The following HS6ST1 variants were observed in gnomAD, a reference collection of about 807,000 sequenced individuals.
The protein encoded by HS6ST1 is heparan sulfate 6-O-sulfotransferase 1.
HS6ST1 carries 3 observed loss-of-function variants against 25.2 expected under a neutral mutation model. That is an observed-to-expected ratio of 0.12 (90% CI 0.05 to 0.31). The LOEUF (loss-of-function observed/expected upper bound fraction) is 0.31. Ranked by LOEUF, HS6ST1 falls within the 10% of genes least tolerant of loss-of-function variation. The probability of loss-of-function intolerance (pLI) is 1.00; values close to 1 mark genes in which losing one functional copy is unlikely to be tolerated. For synonymous variants in HS6ST1, 204 were observed against 275.1 expected (o/e 0.74, Z 2.56); for missense variants, 310 against 609.6 (o/e 0.51, Z 5.18).
At chr2:128,287,620 G>A (rs1693884655) in intron 1 of HS6ST1, among the ~76,000 whole-genome samples, 2 of 152,224 alleles carry the variant, frequency 1.3e-5, no homozygotes, top group African/African-American at 4.8e-5. Context: ...CCGGGTCCAG[G>A]GGTGCTCTGC....
In HS6ST1 at chr2:128,318,025, C is replaced by T; in HGVS notation, c.527+12G>A. ...CGCAGCTGCGCGAGGATCCCGCCGC[C>T]CGGGCGCTCACCTGGGCGTGCGCAG... is the stretch of plus-strand genomic sequence containing the variant. On this transcript the variant is annotated intron_variant, in intron 1 of 1. Coordinates refer to ENST00000259241, the MANE Select transcript of HS6ST1 (RefSeq NM_004807.3). The surrounding 1 kb of genome is among the most constrained non-coding windows in gnomAD (Gnocchi z 5.7). 1.4e-6 allele frequency: 2 copies of T among 1,469,712 alleles called. No individual in the cohort carries two copies. Among genetic ancestry groups the T allele is most frequent in the Non-Finnish European group, 1.8e-6 (2 of 1,121,794 alleles). 91.0% of individuals were successfully genotyped at this position (1,469,712 alleles called of 1,614,324 possible). A position where few individuals can be genotyped will look rare whatever the true frequency, so the allele number is the denominator to read the frequency against.
At chr2:128,270,547 C>A (rs1693594878) in intron 1 of HS6ST1, among the ~76,000 whole-genome samples, 1 of 152,194 alleles carries the variant, frequency 6.6e-6, no homozygotes, top group East Asian at 1.9e-4. Context: ...GTTTTAGAAA[C>A]AATAATGACC....
intron 1 of HS6ST1, among the ~76,000 whole-genome samples, chr2:128,311,004 C>CA (rs960400338): frequency 1.3e-5 from 1 of 76,772 alleles, no homozygotes; most frequent in African/African-American, 1.0e-4. Context: ...TTCCACTCCA[C>CA]ACCCCGCTCA....
intron 1 of HS6ST1, among the ~76,000 whole-genome samples, chr2:128,307,513 A>G (rs1372292798): frequency 6.6e-6 from 1 of 152,236 alleles, no homozygotes; most frequent in Non-Finnish European, 1.5e-5. Context: ...GGAGGAGAGA[A>G]GCGGGGAGCA....
At chr2:128,286,374 G>A (rs936943067) in intron 1 of HS6ST1, among the ~76,000 whole-genome samples, 2 of 152,242 alleles carry the variant, frequency 1.3e-5, no homozygotes, top group Non-Finnish European at 2.9e-5. Context: ...AAGCGCCAGG[G>A]AGGGGTGGGT....
intron 1 of HS6ST1, among the ~76,000 whole-genome samples, chr2:128,312,578 C>A (rs1378948243): frequency 6.6e-6 from 1 of 152,094 alleles, no homozygotes; most frequent in Non-Finnish European, 1.5e-5. Flanking sequence ...GGAGCTGCAC[C>A]CCTCTCTCAG....
At chr2:128,271,615 G>A (rs868661106) in intron 1 of HS6ST1, among the ~76,000 whole-genome samples, 1 of 152,158 alleles carries the variant, frequency 6.6e-6, no homozygotes, top group Non-Finnish European at 1.5e-5. Flanking sequence ...AGTTCTGTCC[G>A]CCCCTGCTGT....
At chr2:128,273,575 G>A (rs986582992) in intron 1 of HS6ST1, among the ~76,000 whole-genome samples, 4 of 152,186 alleles carry the variant, frequency 2.6e-5, no homozygotes, top group South Asian at 2.1e-4. Flanking sequence ...TGCCCAACAC[G>A]CAGAGCCCTC....
At chr2:128,285,166 T>C (rs765676071) in intron 1 of HS6ST1, among the ~76,000 whole-genome samples, 22 of 152,356 alleles carry the variant, frequency 1.4e-4, no homozygotes, top group African/African-American at 4.6e-4. Context: ...TAGCCTGTTT[T>C]CCAGTAAGGG....
rs543060692 is a variant in HS6ST1, at chr2:128,268,061, G to A, written c.*101C>T. The A allele has an allele frequency of 1.2e-6, 1 of 823,894 alleles. No individual in the cohort carries two copies. The highest frequency in any genetic ancestry group is 2.7e-5 in the East Asian group (1 of 37,370). The allele number at this position is 823,894 out of a possible 1,614,324, so 51.0% of individuals were successfully genotyped here. On this transcript the variant is annotated 3_prime_UTR_variant, in exon 2 of 2. Coordinates refer to ENST00000259241, the MANE Select transcript of HS6ST1 (RefSeq NM_004807.3). Reference sequence around the variant, plus strand: ...GGACGCAGCTACCTCTGTGGAGCAGGTTTGGGATGCTCATCCCTTGACAGT... The same window carrying A: ...GGACGCAGCTACCTCTGTGGAGCAGATTTGGGATGCTCATCCCTTGACAGT...
intron 1 of HS6ST1, among the ~76,000 whole-genome samples, chr2:128,307,255 C>T (rs1573708552): frequency 6.6e-6 from 1 of 152,228 alleles, no homozygotes; most frequent in East Asian, 1.9e-4. Context: ...CAGGGAAGGC[C>T]CTGGGGGGTG....
intron 1 of HS6ST1, among the ~76,000 whole-genome samples, chr2:128,316,690 AGTGTGTGTGTGT>A (rs754486574): frequency 6.8e-6 from 1 of 147,704 alleles, no homozygotes. Context: ...TGGGAGCTGC[AGTGTGTGTGTGT>A]GTGTGGGTGT....
chr2:128,315,670 G>A (rs1694351378), intron 1 of HS6ST1, among the ~76,000 whole-genome samples: 1 of 152,080 alleles, frequency 6.6e-6, no homozygotes, highest in Non-Finnish European at 1.5e-5. Context: ...GCAGATGGGG[G>A]AAGTGCATCC....
intron 1 of HS6ST1, among the ~76,000 whole-genome samples, chr2:128,289,084 C>T (rs375093487): frequency 1.3e-5 from 2 of 152,170 alleles, no homozygotes; most frequent in African/African-American, 4.8e-5. Context: ...GACTATTCTT[C>T]CCCAGACAGG....
At chr2:128,280,015 A>T (rs1489172921) in intron 1 of HS6ST1, among the ~76,000 whole-genome samples, 2 of 152,152 alleles carry the variant, frequency 1.3e-5, no homozygotes, top group African/African-American at 2.4e-5. Flanking sequence ...TGAGGCCTGG[A>T]TCCTCATCAC....
intron 1 of HS6ST1, among the ~76,000 whole-genome samples, chr2:128,281,684 C>T (rs1693788753): frequency 6.6e-6 from 1 of 152,188 alleles, no homozygotes. Flanking sequence ...AAAAAATAAA[C>T]TGCTGCCCTG....
At chr2:128,310,520 A>G (rs1270998211) in intron 1 of HS6ST1, among the ~76,000 whole-genome samples, 2 of 152,150 alleles carry the variant, frequency 1.3e-5, no homozygotes, top group Non-Finnish European at 2.9e-5. Context: ...CTGGCTCAGG[A>G]GCAACTGGTG....
intron 1 of HS6ST1, among the ~76,000 whole-genome samples, chr2:128,292,101 G>A (rs1693961465): frequency 6.6e-6 from 1 of 152,242 alleles, no homozygotes; most frequent in Non-Finnish European, 1.5e-5. Flanking sequence ...CAACAGTGAG[G>A]AGGGTGAACT....
At chr2:128,310,439 G>A (rs1363569436) in intron 1 of HS6ST1, among the ~76,000 whole-genome samples, 3 of 152,238 alleles carry the variant, frequency 2.0e-5, no homozygotes, top group Non-Finnish European at 4.4e-5. Context: ...CAGAGGCACC[G>A]CGGCAGCAGA....
Sources: allele counts gnomAD v4.1 joint callset (sites outside exome capture counted in the v4.1 genomes callset), GRCh38; gene constraint gnomAD v4.1.1; non-coding constraint Gnocchi (gnomAD v3.1); transcripts MANE v1.5; gene names NCBI Gene and HGNC (gene_info 2026-07-23, HGNC 2026-07-21).